SS18L2: variants seen among roughly 807,000 people sequenced by gnomAD.
The protein encoded by SS18L2 is SS18 like 2.
SS18L2 carries 8 observed loss-of-function variants against 10.3 expected under a neutral mutation model. That is an observed-to-expected ratio of 0.78 (90% CI 0.46 to 1.41). SS18L2 has a LOEUF of 1.41. SS18L2 is among the 40% of genes most tolerant of loss of function. SS18L2 has a pLI of 0.00. For missense variants in SS18L2, 100 were observed against 96.2 expected (o/e 1.04, Z -0.17); for synonymous variants, 41 against 34.6 (o/e 1.19, Z -0.65).
Position 42,585,037 on chromosome 3 carries a change from G to A in SS18L2, c.-90+3079G>A, listed in dbSNP as rs1577365770. Among the ~76,000 whole-genome samples, 8 of 152,310 alleles carry A rather than the reference G, an allele frequency of 5.3e-5. 1 individual carries two copies. Among genetic ancestry groups the A allele is most frequent in the Admixed American group, 5.2e-4 (8 of 15,300 alleles). ...CCAGCTACTTGGGAGGCTGAGGCAG[G>A]AGAATCACTTGAACCTGGGAGGAGG... On this transcript the variant is annotated intron_variant, in intron 1 of 3. Coordinates refer to the SS18L2 transcript ENST00000447630.
At chr3:42,585,662 T>C (rs1704586330) in intron 1 of SS18L2, among the ~76,000 whole-genome samples, 1 of 152,198 alleles carries the variant, frequency 6.6e-6, no homozygotes. Flanking sequence ...TGCACAGTTA[T>C]CTTTCTGGCA....
chr3:42,582,322 CAG>C (rs1559532649), intron 1 of SS18L2: 1 of 152,314 alleles, frequency 6.6e-6, no homozygotes, highest in Non-Finnish European at 1.5e-5. Context: ...CTCCGCGTGA[CAG>C]AGTGATAACG....
In SS18L2 at chr3:42,594,714, A is replaced by C; in HGVS notation, c.*205A>C. On this transcript the variant is annotated 3_prime_UTR_variant, in exon 3 of 3. Transcript: ENST00000011691. ...TTCTCATGTAAATATTTTTTAAATA[A>C]TTAAGCAAATCCCTCAATAAGTTGA... The C allele has an allele frequency of 2.3e-6, 1 of 436,780 alleles. No individual in the cohort carries two copies. The highest frequency in any genetic ancestry group is 4.1e-6 in the Non-Finnish European group (1 of 244,790). The allele number at this position is 436,780 out of a possible 1,614,324, so 27.1% of individuals were successfully genotyped here.
rs1347359085 is a variant in SS18L2, at chr3:42,594,593, A to G, written c.*84A>G. 2.4e-5 allele frequency: 29 copies of G among 1,232,392 alleles called. No individual in the cohort carries two copies. The East Asian group carries it at 6.1e-4, about 26-fold the overall frequency. 76.3% of individuals were successfully genotyped at this position (1,232,392 alleles called of 1,614,324 possible). A position where few individuals can be genotyped will look rare whatever the true frequency, so the allele number is the denominator to read the frequency against. Reference sequence around the variant, plus strand: ...AATCCATCTCTTACAAAATGGAGACAGGGTCTTTACCAACTCAACTGGTTA... The same window carrying G: ...AATCCATCTCTTACAAAATGGAGACGGGGTCTTTACCAACTCAACTGGTTA... On this transcript the variant is annotated 3_prime_UTR_variant, in exon 3 of 3. Coordinates refer to ENST00000011691, the MANE Select transcript of SS18L2 (RefSeq NM_001370300.1).
chr3:42,590,997 G>GGGCC, intron 1 of SS18L2, 31 bp downstream of exon 1: 1 of 1,546,250 alleles, frequency 6.5e-7, no homozygotes, highest in Non-Finnish European at 8.7e-7. Flanking sequence ...GCGGGCGGGC[G>GGGCC]GAGAGAAGTC....
upstream of SS18L2, among the ~76,000 whole-genome samples, chr3:42,588,197 T>C (rs1029570954): frequency 1.3e-5 from 2 of 150,322 alleles, no homozygotes; most frequent in African/African-American, 4.9e-5. Context: ...AGGTCAGGAG[T>C]TCAAGACCAG....
chr3:42,591,426 C>T, intron 1 of SS18L2, 99 bp from the exon 2 acceptor site: 1 of 859,858 alleles, frequency 1.2e-6, no homozygotes, highest in Non-Finnish European at 2.0e-6. Context: ...AACTCCTGAC[C>T]TCGTGATCCG....
rs1215975232 is a variant in SS18L2 at position 42,594,515 on chromosome 3, C to A, written c.*6C>A. 1 of 1,610,060 alleles carries A rather than the reference C, an allele frequency of 6.2e-7. No individual in the cohort carries two copies. The highest frequency in any genetic ancestry group is 8.5e-7 in the Non-Finnish European group (1 of 1,176,722). On this transcript the variant is annotated 3_prime_UTR_variant, in exon 3 of 3. Coordinates refer to ENST00000011691, the MANE Select transcript of SS18L2 (RefSeq NM_001370300.1). ...CTTCAAAAGCAATGGAATAATCTTT[C>A]AAAAGCAATAGAATAATCTTCCATT...
rs577550900 is a variant in SS18L2, at chr3:42,596,666, C to G, written c.*2157C>G. ...CACAGACCAAATTGCATACTTTTAT[C>G]TTCGAATCATCTAAAATATAATTTC... On this transcript the variant is annotated 3_prime_UTR_variant, in exon 3 of 3. Coordinates refer to ENST00000011691, the MANE Select transcript of SS18L2 (RefSeq NM_001370300.1). 6.6e-6 allele frequency among the ~76,000 whole-genome samples: 1 copy of G among 152,304 alleles called. No homozygotes were observed. The highest frequency in any genetic ancestry group is 6.5e-5 in the Admixed American group (1 of 15,294).
rs898315378 is a variant in SS18L2 at position 42,591,358 on chromosome 3, C to G, written c.70-167C>G. 3.0e-5 allele frequency: 18 copies of G among 607,306 alleles called. No individual in the cohort carries two copies. The African/African-American group carries it at 3.1e-4, about 11-fold the overall frequency. 37.6% of individuals were successfully genotyped at this position (607,306 alleles called of 1,614,324 possible). A position where few individuals can be genotyped will look rare whatever the true frequency, so the allele number is the denominator to read the frequency against. On this transcript the variant is annotated intron_variant, in intron 1 of 2. Transcript: ENST00000011691. ...GGATTACAGGAGCGCGACGCCACTCCCGGCTAATTTTTGTATTTTTAGTAT... is the reference window on the plus strand; with the variant it reads ...GGATTACAGGAGCGCGACGCCACTCGCGGCTAATTTTTGTATTTTTAGTAT...
Position 42,594,871 on chromosome 3 carries a change from T to A in SS18L2, c.*362T>A. 1 of 166,082 alleles carries A rather than the reference T, an allele frequency of 6.0e-6. No homozygotes were observed. Among genetic ancestry groups the A allele is most frequent in the East Asian group, 1.7e-4 (1 of 5,848 alleles). The allele number at this position is 166,082 out of a possible 1,614,324, so 10.3% of individuals were successfully genotyped here. A position where few individuals can be genotyped will look rare whatever the true frequency, so the allele number is the denominator to read the frequency against. On this transcript the variant is annotated 3_prime_UTR_variant, in exon 3 of 3. Transcript: ENST00000011691. ...GGTGTTGGGCAGGAATTGGTGAGAT[T>A]CCTGACTTGATACCTTGCTAAATGG...
At chr3:42,584,412 G>A (rs1577364944) in intron 1 of SS18L2, among the ~76,000 whole-genome samples, 1 of 152,038 alleles carries the variant, frequency 6.6e-6, no homozygotes, top group African/African-American at 2.4e-5. Flanking sequence ...CTGCCAACAC[G>A]CCCAGCTAAT....
Position 42,584,057 on chromosome 3 carries a change from T to C in SS18L2, c.-90+2099T>C, listed in dbSNP as rs538441315. On this transcript the variant is annotated intron_variant, in intron 1 of 3. Coordinates refer to the SS18L2 transcript ENST00000447630. ...GGTTCTCCAGCTTGTAGATGGTCTA[T>C]TGTGGGACTTCTCAGCCTCCATAAC... Among the ~76,000 whole-genome samples the C allele has an allele frequency of 1.2e-4, 18 of 152,318 alleles. No individual in the cohort carries two copies. In the South Asian group the frequency reaches 3.5e-3, roughly 30 times the overall value.
chr3:42,592,845 AT>A (rs1307285155), intron 2 of SS18L2, among the ~76,000 whole-genome samples: 1 of 151,840 alleles, frequency 6.6e-6, no homozygotes. Context: ...TGTCTGATTT[AT>A]TTTTTTGGGT....
chr3:42,594,274 T>A, intron 2 of SS18L2, 148 bp from the exon 3 acceptor site: 1 of 630,520 alleles, frequency 1.6e-6, no homozygotes, highest in South Asian at 2.1e-5. Context: ...ATATTTTCCT[T>A]AAATATGTTA....
At chr3:42,593,894 C>T (rs775007257) in intron 2 of SS18L2, among the ~76,000 whole-genome samples, 41 of 152,020 alleles carry the variant, frequency 2.7e-4, no homozygotes, top group Admixed American at 1.4e-3. Flanking sequence ...GGAAAAGCCC[C>T]CTAGTAGGAG....
At position 42,585,173 on chromosome 3, in the gene SS18L2, G is replaced by A. The variant is rs145254313; in HGVS notation, c.-90+3215G>A. The stretch of plus-strand genomic sequence containing the variant: ...AACAAAACAAACAAACAAATATGGG[G>A]AATTGGGCTCTCAAAACTTGTGGTG... On this transcript the variant is annotated intron_variant, in intron 1 of 3. Coordinates refer to the SS18L2 transcript ENST00000447630. 9.7e-4 allele frequency among the ~76,000 whole-genome samples: 148 copies of A among 152,216 alleles called. 1 individual carries two copies. The highest frequency in any genetic ancestry group is 1.4e-3 in the Non-Finnish European group (97 of 68,004).
intron 1 of SS18L2, among the ~76,000 whole-genome samples, chr3:42,585,083 C>T (rs1397639312): frequency 1.3e-5 from 2 of 152,060 alleles, no homozygotes; most frequent in African/African-American, 2.4e-5. Flanking sequence ...AAGCCGAGAT[C>T]GCACCATTGC....
intron 1 of SS18L2, 63 bp downstream of exon 1, chr3:42,591,029 G>A (rs1358883693): frequency 6.6e-7 from 1 of 1,523,200 alleles, no homozygotes; most frequent in East Asian, 2.4e-5. Context: ...GGGCTGCGGG[G>A]TGCGAGAAGC....
Sources: gnomAD v4.1 joint callset for allele counts (sites outside exome capture counted in the v4.1 genomes callset) on GRCh38, gnomAD v4.1.1 for gene constraint, MANE v1.5 for transcripts, NCBI Gene and HGNC (gene_info 2026-07-23, HGNC 2026-07-21) for gene names.